Variants in JMJD1C observed in about 807,000 individuals in gnomAD.
JMJD1C encodes jumonji domain-containing protein 1C.
Under a neutral mutation model 245.3 loss-of-function variants are expected in JMJD1C, and 31 were observed. The ratio of observed to expected loss-of-function variants is 0.13; its 90% CI spans 0.09 to 0.17. JMJD1C has a LOEUF of 0.17. Among genes scored for constraint, JMJD1C ranks in the 10% least tolerant of loss-of-function variants. The pLI, the probability that JMJD1C is intolerant of heterozygous loss-of-function variation, is 1.00. For synonymous variants in JMJD1C, 1,057 were observed against 1,017.4 expected, an observed-to-expected ratio of 1.04 and a Z score of -0.74; for missense variants, 2,691 against 3,000.2, an observed-to-expected ratio of 0.90 and a Z score of 2.41.
At chr10:63,400,588 A>C (rs1948789027) in intron 1 of JMJD1C, among the ~76,000 whole-genome samples, 1 of 151,562 alleles carries the variant, frequency 6.6e-6, no homozygotes, top group African/African-American at 2.4e-5. Context: ...CCCGAGATGG[A>C]GTCCTGCTCT....
chr10:63,290,487 G>A (rs1219587562), intron 2 of JMJD1C, among the ~76,000 whole-genome samples: 1 of 152,130 alleles, frequency 6.6e-6, no homozygotes, highest in East Asian at 1.9e-4. Context: ...CTTGAACCCA[G>A]GAGGCGGAGG....
chr10:63,216,709 C>CA (rs1274370909), intron 5 of JMJD1C, among the ~76,000 whole-genome samples: 1 of 140,610 alleles, frequency 7.1e-6, no homozygotes, highest in Non-Finnish European at 1.6e-5. Flanking sequence ...GACTCCAGCT[C>CA]AAAAAACAAA....
At chr10:63,280,205 T>A (rs1412612982) in intron 2 of JMJD1C, among the ~76,000 whole-genome samples, 1 of 151,964 alleles carries the variant, frequency 6.6e-6, no homozygotes, top group African/African-American at 2.4e-5. Context: ...GCTAAATGTT[T>A]TGCCTGGGGA....
intron 1 of JMJD1C, among the ~76,000 whole-genome samples, chr10:63,392,919 G>C (rs912675244): frequency 8.8e-6 from 1 of 113,304 alleles, no homozygotes; most frequent in Middle Eastern, 5.5e-3. Flanking sequence ...CGTGAGCAAA[G>C]GACATAAACA....
At chr10:63,373,336 T>G (rs1387560820) in intron 2 of JMJD1C, among the ~76,000 whole-genome samples, 2 of 152,140 alleles carry the variant, frequency 1.3e-5, no homozygotes, top group African/African-American at 2.4e-5. Flanking sequence ...ACCAGACAAT[T>G]CCAGAGAAGG....
chr10:63,342,396 AT>A (rs751866318), intron 2 of JMJD1C, among the ~76,000 whole-genome samples: 1 of 152,352 alleles, frequency 6.6e-6, no homozygotes, highest in African/African-American at 2.4e-5. Flanking sequence ...GACAAAAACC[AT>A]TGTTAATGAG....
chr10:63,226,398 G>GT (rs1277986680), intron 3 of JMJD1C, among the ~76,000 whole-genome samples: 1 of 151,914 alleles, frequency 6.6e-6, no homozygotes, highest in Non-Finnish European at 1.5e-5. Context: ...CAAAATAAAG[G>GT]TATTTTTTCA....
At chr10:63,229,944 A>C (rs541916676) in intron 3 of JMJD1C, among the ~76,000 whole-genome samples, 4 of 152,240 alleles carry the variant, frequency 2.6e-5, no homozygotes, top group African/African-American at 9.6e-5. Flanking sequence ...TTTCCTAAAA[A>C]TTAACATACT....
At chr10:63,475,897 T>C (rs965499109) in intron 1 of JMJD1C, among the ~76,000 whole-genome samples, 1 of 152,120 alleles carries the variant, frequency 6.6e-6, no homozygotes, top group Non-Finnish European at 1.5e-5. Context: ...TCTTAAGTAC[T>C]AGGTGATAAT....
chr10:63,217,092 G>C (rs1195004756), intron 5 of JMJD1C, 115 bp downstream of exon 5: 1 of 922,822 alleles, frequency 1.1e-6, no homozygotes, highest in African/African-American at 1.7e-5. Context: ...AGAATTACAC[G>C]ACTAAAAACC....
intron 1 of JMJD1C, among the ~76,000 whole-genome samples, chr10:63,481,429 G>A (rs1953825593): frequency 6.6e-6 from 1 of 151,534 alleles, no homozygotes; most frequent in African/African-American, 2.4e-5. Context: ...ATGAAAAACT[G>A]ATTTTTTTTT....
chr10:63,235,164 G>A (rs1278001775), intron 3 of JMJD1C, among the ~76,000 whole-genome samples: 1 of 152,108 alleles, frequency 6.6e-6, no homozygotes, highest in African/African-American at 2.4e-5. Flanking sequence ...AAGACTAAAT[G>A]CCTTATTCTA....
intron 2 of JMJD1C, among the ~76,000 whole-genome samples, chr10:63,337,456 CG>C (rs1170416194): frequency 0.057 from 120 of 2,098 alleles, 7 homozygotes; most frequent in Middle Eastern, 0.12. Context: ...AAAGAGAAGG[CG>C]GGGGGGGGGG....
chr10:63,426,358 T>C (rs1564907781), intron 1 of JMJD1C, among the ~76,000 whole-genome samples: 1 of 149,366 alleles, frequency 6.7e-6, no homozygotes, highest in African/African-American at 2.5e-5. Context: ...CCCTATCTAT[T>C]AAAAAAAAAA....
intron 2 of JMJD1C, among the ~76,000 whole-genome samples, chr10:63,313,317 G>A (rs1310514369): frequency 6.6e-6 from 1 of 152,172 alleles, no homozygotes; most frequent in Non-Finnish European, 1.5e-5. Flanking sequence ...CATTGTGTGT[G>A]TAAGAATTTC....
chr10:63,490,373 T>G (rs1415151128), intron 1 of JMJD1C, among the ~76,000 whole-genome samples: 3 of 152,114 alleles, frequency 2.0e-5, no homozygotes, highest in South Asian at 2.1e-4. Context: ...GTCCCTCTAT[T>G]TATTTCCTTC....
At chr10:63,265,027 A>C (rs1855364945) in intron 2 of JMJD1C, among the ~76,000 whole-genome samples, 2 of 152,200 alleles carry the variant, frequency 1.3e-5, no homozygotes, top group African/African-American at 4.8e-5. Context: ...TTAAAAAGGG[A>C]TGTAATAAAA....
chr10:63,300,056 G>C (rs1451279749), intron 2 of JMJD1C, among the ~76,000 whole-genome samples: 1 of 150,560 alleles, frequency 6.6e-6, no homozygotes, highest in East Asian at 1.9e-4. Flanking sequence ...GTGTTTTCTA[G>C]AAAAACAGCT....
At chr10:63,418,038 T>C (rs539553899) in intron 1 of JMJD1C, among the ~76,000 whole-genome samples, 3 of 152,332 alleles carry the variant, frequency 2.0e-5, no homozygotes, top group South Asian at 4.1e-4. Flanking sequence ...ATTCTCATCA[T>C]AGAAAGATAA....
Sources: gnomAD v4.1 joint callset for allele counts (sites outside exome capture counted in the v4.1 genomes callset) on GRCh38, gnomAD v4.1.1 for gene constraint, MANE v1.5 for transcripts, NCBI Gene and HGNC (gene_info 2026-07-23, HGNC 2026-07-21) for gene names.